SIPA1L3: variants seen among roughly 807,000 people sequenced by gnomAD.
The protein encoded by SIPA1L3 is signal induced proliferation associated 1 like 3, also known as signal-induced proliferation-associated 1-like protein 3.
A neutral mutation model predicts 150.1 loss-of-function variants in SIPA1L3; 59 were observed. The observed-to-expected ratio is 0.39, with a 90% confidence interval of 0.32 to 0.49. The LOEUF (loss-of-function observed/expected upper bound fraction) is 0.49. SIPA1L3 is among the 20% of genes least tolerant of loss of function. The pLI, the probability that SIPA1L3 is intolerant of heterozygous loss-of-function variation, is 0.86. For synonymous variants in SIPA1L3, 1,070 were observed against 1,077.6 expected (o/e 0.99, Z 0.14); for missense variants, 2,211 against 2,489.5 (o/e 0.89, Z 2.38).
chr19:37,946,162 A>T (rs541178704), intron 1 of SIPA1L3, among the ~76,000 whole-genome samples: 140 of 152,038 alleles, frequency 9.2e-4, no homozygotes, highest in Non-Finnish European at 1.7e-3. Context: ...TCTCAAAAAA[A>T]AAAAATAATA....
intron 2 of SIPA1L3, among the ~76,000 whole-genome samples, chr19:38,037,393 C>T (rs756610163): frequency 2.6e-5 from 4 of 152,088 alleles, no homozygotes; most frequent in East Asian, 1.9e-4. Flanking sequence ...AGCAGAGCTC[C>T]GGACGTGGGA....
In SIPA1L3 at chr19:38,010,731, A is replaced by G. The variant is rs942205887; in HGVS notation, c.-378-18358A>G. The stretch of plus-strand genomic sequence containing the variant: ...TGTCTAAAAAACAAAACAAAACAAA[A>G]AAGAATGTACACACTCTGGAGTCAG... On this transcript the variant is annotated intron_variant, in intron 1 of 21. Transcript: ENST00000222345. Among the ~76,000 whole-genome samples the G allele has an allele frequency of 3.9e-5, 6 of 152,134 alleles. No individual in the cohort carries two copies. In the South Asian group the frequency reaches 1.2e-3, roughly 31 times the overall value.
intron 1 of SIPA1L3, among the ~76,000 whole-genome samples, chr19:37,928,493 C>T (rs1353977633): frequency 2.0e-5 from 3 of 152,088 alleles, no homozygotes; most frequent in Non-Finnish European, 4.4e-5. Context: ...ATTGCTTGAA[C>T]CTGGGAGGCT....
chr19:37,919,116 T>A (rs1325384724), intron 1 of SIPA1L3, among the ~76,000 whole-genome samples: 1 of 152,056 alleles, frequency 6.6e-6, no homozygotes, highest in East Asian at 1.9e-4. Flanking sequence ...GTTTCCTCTG[T>A]CAACTCTATG....
chr19:37,930,909 C>T (rs1181380458), intron 1 of SIPA1L3, among the ~76,000 whole-genome samples: 1 of 151,332 alleles, frequency 6.6e-6, no homozygotes, highest in African/African-American at 2.4e-5. Flanking sequence ...TATTCTGTGC[C>T]AGTTCATTCA....
chr19:38,198,557 C>T (rs753084247), intron 19 of SIPA1L3, 25 bp downstream of exon 19: 133 of 1,482,420 alleles, frequency 9.0e-5, no homozygotes, highest in Non-Finnish European at 1.1e-4. Context: ...CCCAGTCCCG[C>T]CAGGCCCCCA....
intron 1 of SIPA1L3, among the ~76,000 whole-genome samples, chr19:37,912,316 A>G (rs1042202218): frequency 6.6e-6 from 1 of 152,010 alleles, no homozygotes; most frequent in African/African-American, 2.4e-5. Flanking sequence ...CTGGGGCCAC[A>G]TGGTCTGGGT....
intron 1 of SIPA1L3, among the ~76,000 whole-genome samples, chr19:37,947,787 A>G (rs2046725958): frequency 6.6e-6 from 1 of 152,182 alleles, no homozygotes; most frequent in Non-Finnish European, 1.5e-5. Flanking sequence ...TTTAATAACC[A>G]GCCCCCTTAT....
chr19:37,978,930 C>T (rs189078209), intron 1 of SIPA1L3, among the ~76,000 whole-genome samples: 21 of 152,142 alleles, frequency 1.4e-4, no homozygotes, highest in African/African-American at 4.6e-4. Context: ...GAGCTGTGAT[C>T]GCACCACTGC....
intron 15 of SIPA1L3, among the ~76,000 whole-genome samples, chr19:38,171,307 A>T (rs1440540873): frequency 6.6e-6 from 1 of 151,322 alleles, no homozygotes; most frequent in Non-Finnish European, 1.5e-5. Flanking sequence ...TGGGAGGCCA[A>T]GGCAGGAGCA....
chr19:38,192,316 T>C lies in SIPA1L3; in HGVS notation c.4596+6T>C. 2 of 1,592,930 alleles carry C rather than the reference T, an allele frequency of 1.3e-6. No individual in the cohort carries two copies. The highest frequency in any genetic ancestry group is 1.7e-6 in the Non-Finnish European group (2 of 1,170,742). The stretch of plus-strand genomic sequence containing the variant: ...AGCAGGAGAGAGACACGGGAGTACG[T>C]AGGGCCCTGTCCCCCGCTCCCGACC... On this transcript the variant is annotated splice_donor_region_variant and intron_variant, in intron 17 of 21. Coordinates refer to ENST00000222345, the MANE Select transcript of SIPA1L3 (RefSeq NM_015073.3).
chr19:37,968,995 C>A (rs903004340), intron 1 of SIPA1L3, among the ~76,000 whole-genome samples: 1 of 152,162 alleles, frequency 6.6e-6, no homozygotes, highest in African/African-American at 2.4e-5. Flanking sequence ...AAATAGTGTT[C>A]TTTTTAGGAA....
chr19:38,118,423 T>C (rs1970939370), intron 8 of SIPA1L3, among the ~76,000 whole-genome samples: 1 of 152,132 alleles, frequency 6.6e-6, no homozygotes, highest in African/African-American at 2.4e-5. Flanking sequence ...AACTGTAAGA[T>C]CTGCCACACG....
chr19:37,936,211 G>T (rs150724188), intron 1 of SIPA1L3, among the ~76,000 whole-genome samples: 112 of 152,238 alleles, frequency 7.4e-4, no homozygotes, highest in African/African-American at 2.5e-3. Context: ...ACTCCTTGCT[G>T]CAAGGACATC....
intron 2 of SIPA1L3, among the ~76,000 whole-genome samples, chr19:38,078,238 C>T (rs1288467738): frequency 3.3e-5 from 5 of 152,132 alleles, no homozygotes; most frequent in Admixed American, 2.0e-4. Flanking sequence ...TTTGTGTTCT[C>T]GTGGGGCACC....
At position 38,206,349 on chromosome 19, in the gene SIPA1L3, AG is replaced by A; in HGVS notation, c.*112del. 7.6e-7 allele frequency: 1 copy of A among 1,318,268 alleles called. No individual in the cohort carries two copies. The highest frequency in any genetic ancestry group is 1.0e-6 in the Non-Finnish European group (1 of 976,998). The allele number at this position is 1,318,268 out of a possible 1,614,324, so 81.7% of individuals were successfully genotyped here. ...CCGGTGTGACCAAGATGACCCATCC[AG>A]GGCCCTCCCCATGGACACGGAAACT... On this transcript the variant is annotated 3_prime_UTR_variant, in exon 22 of 22. Transcript: ENST00000222345.
intron 4 of SIPA1L3, among the ~76,000 whole-genome samples, chr19:38,099,031 C>G (rs1326116091): frequency 1.3e-5 from 2 of 151,598 alleles, no homozygotes; most frequent in Non-Finnish European, 2.9e-5. Flanking sequence ...CTTCTCTTCT[C>G]TTCTTCTTTT....
chr19:37,992,532 T>C (rs1017440114), intron 1 of SIPA1L3, among the ~76,000 whole-genome samples: 5 of 152,004 alleles, frequency 3.3e-5, no homozygotes, highest in African/African-American at 1.2e-4. Context: ...ATGCATGTAA[T>C]CCCAGCTACA....
chr19:37,944,950 CATAAATAA>C (rs528165380), intron 1 of SIPA1L3, among the ~76,000 whole-genome samples: 2 of 152,008 alleles, frequency 1.3e-5, no homozygotes, highest in Non-Finnish European at 2.9e-5. Context: ...GACTCCATCT[CATAAATAA>C]ATAAATAAAT....
Sources: gnomAD v4.1 joint callset for allele counts (sites outside exome capture counted in the v4.1 genomes callset) on GRCh38, gnomAD v4.1.1 for gene constraint, MANE v1.5 for transcripts, NCBI Gene and HGNC (gene_info 2026-07-23, HGNC 2026-07-21) for gene names.